Variants in SPEGNB observed in about 807,000 individuals in gnomAD.
The protein encoded by SPEGNB is SPEG neighbor protein.
SPEGNB carries 12 observed loss-of-function variants against 18.3 expected under a neutral mutation model. The ratio of observed to expected loss-of-function variants is 0.65; its 90% CI spans 0.42 to 1.06. The LOEUF is 1.06. Among genes scored for constraint, SPEGNB ranks in the 50% least tolerant of loss-of-function variants. SPEGNB has a pLI of 0.00. For missense variants in SPEGNB, 273 were observed against 329.3 expected (o/e 0.83, Z 1.32); for synonymous variants, 113 against 138.8 (o/e 0.81, Z 1.31).
Position 219,497,101 on chromosome 2 carries a change from C to CG in SPEGNB, c.422dup (p.Ile142HisfsTer17). The CG allele has an allele frequency of 8.3e-7, 1 of 1,210,782 alleles. No homozygotes were observed. The highest frequency in any genetic ancestry group is 1.1e-6 in the Non-Finnish European group (1 of 937,194). The allele number at this position is 1,210,782 out of a possible 1,614,324, so 75.0% of individuals were successfully genotyped here. A position where few individuals can be genotyped will look rare whatever the true frequency, so the allele number is the denominator to read the frequency against. On this transcript the variant is annotated frameshift_variant, in exon 3 of 5. Coordinates refer to ENST00000651166, the MANE Select transcript of SPEGNB (RefSeq NM_001286811.2). LOFTEE classifies it high-confidence loss of function. ...CTTCGGCCAGTGCTCCGACTCGGCG[C>CG]GCATCCTCGTGGAAGGTACGCGCGC...
Position 219,497,136 on chromosome 2 carries a change from A to G in SPEGNB, c.436+20A>G. On this transcript the variant is annotated intron_variant, in intron 3 of 4. Transcript: ENST00000651166. The stretch of plus-strand genomic sequence containing the variant: ...TGGAAGGTACGCGCGCCCCGGGCGC[A>G]GCGCCAGGGCGCAGACCAGCACCAC... 8.4e-7 allele frequency: 1 copy of G among 1,191,234 alleles called. No individual in the cohort carries two copies. The highest frequency in any genetic ancestry group is 1.1e-6 in the Non-Finnish European group (1 of 931,700). 73.8% of individuals were successfully genotyped at this position (1,191,234 alleles called of 1,614,324 possible). A position where few individuals can be genotyped will look rare whatever the true frequency, so the allele number is the denominator to read the frequency against.
chr2:219,496,417 G>T lies in SPEGNB; in HGVS notation c.63G>T (p.Leu21=). The T allele has an allele frequency of 7.7e-7, 1 of 1,293,246 alleles. No homozygotes were observed. Among genetic ancestry groups the T allele is most frequent in the Non-Finnish European group, 1.0e-6 (1 of 980,488 alleles). 80.1% of individuals were successfully genotyped at this position (1,293,246 alleles called of 1,614,324 possible). A position where few individuals can be genotyped will look rare whatever the true frequency, so the allele number is the denominator to read the frequency against. Residue 21 remains leucine, a synonymous_variant, in exon 2 of 5, where the codon CTG becomes CTT. Coordinates refer to ENST00000651166, the MANE Select transcript of SPEGNB (RefSeq NM_001286811.2). ...VAVAPAPGCT[L]DINDPQVQSA... Reference sequence around the variant, plus strand: ...TGGCCCCAGCTCCTGGATGTACCCTGGACATCAATGACCCACAGGTCCAGA... The same window carrying T: ...TGGCCCCAGCTCCTGGATGTACCCTTGACATCAATGACCCACAGGTCCAGA...
chr2:219,496,465 C>T lies in SPEGNB; in HGVS notation c.111C>T (p.Ala37=), dbSNP rs1214217686. 12 of 1,269,338 alleles carry T rather than the reference C, an allele frequency of 9.5e-6. No individual in the cohort carries two copies. The South Asian group carries it at 1.4e-4, about 15-fold the overall frequency. The allele number at this position is 1,269,338 out of a possible 1,614,324, so 78.6% of individuals were successfully genotyped here. ...QVQSAAIRIQ[A]SYRGHRSRKE... ...AGAGTGCGGCCATTCGTATCCAGGC[C>T]TCTTACCGGGGCCACAGGTGAGAGG... The change falls in exon 2 of 5, where the codon GCC becomes GCT. Residue 37 remains alanine (A), a synonymous_variant. Coordinates refer to ENST00000651166, the MANE Select transcript of SPEGNB (RefSeq NM_001286811.2).
chr2:219,497,674 A>C, intron 3 of SPEGNB, 46 bp from the exon 4 acceptor site: 1 of 1,292,264 alleles, frequency 7.7e-7, no homozygotes, highest in Middle Eastern at 2.1e-4. Context: ...GCCCTGCCTC[A>C]TCTCCGGGTC....
chr2:219,496,868 T>TA lies in SPEGNB; in HGVS notation c.188_189insA (p.Val64GlyfsTer26), dbSNP rs11437065. ...CGGGTGCTGGAGCCGCTGAAGGACG[T>TA]GGTGCTGATCGAAGGCAGCGCGGCC... On this transcript the variant is annotated frameshift_variant, in exon 3 of 5. Transcript: ENST00000651166. LOFTEE classifies it high-confidence loss of function. 91,785 of 1,285,792 alleles carry TA rather than the reference T, an allele frequency of 0.071. 3,591 individuals carry two copies. Among genetic ancestry groups the TA allele is most frequent in the Admixed American group, 0.087 (3,713 of 42,916 alleles). 79.6% of individuals were successfully genotyped at this position (1,285,792 alleles called of 1,614,324 possible). A position where few individuals can be genotyped will look rare whatever the true frequency, so the allele number is the denominator to read the frequency against.
chr2:219,496,610 A>C, intron 2 of SPEGNB, 128 bp downstream of exon 2: 4 of 1,055,210 alleles, frequency 3.8e-6, no homozygotes, highest in Non-Finnish European at 3.6e-6. Context: ...GAGGGTCGTT[A>C]CTGAGGTATG....
At position 219,496,839 on chromosome 2, in the gene SPEGNB, G is replaced by T; in HGVS notation, c.159G>T (p.Pro53=). The T allele has an allele frequency of 8.0e-7, 1 of 1,253,514 alleles. No homozygotes were observed. Among genetic ancestry groups the T allele is most frequent in the Non-Finnish European group, 1.0e-6 (1 of 956,904 alleles). The allele number at this position is 1,253,514 out of a possible 1,614,324, so 77.6% of individuals were successfully genotyped here. A position where few individuals can be genotyped will look rare whatever the true frequency, so the allele number is the denominator to read the frequency against. Residue 53 remains proline (P), a synonymous_variant, in exon 3 of 5, where the codon CCG becomes CCT. Coordinates refer to ENST00000651166, the MANE Select transcript of SPEGNB (RefSeq NM_001286811.2). The part of the protein sequence containing the change: ...RSRKELREKG[P]PRVLEPLKDV... ...GGAAGGAGCTGCGCGAGAAGGGGCC[G>T]CCGCGGGTGCTGGAGCCGCTGAAGG...
Position 219,497,003 on chromosome 2 carries a change from A to T in SPEGNB, c.323A>T (p.Asp108Val), listed in dbSNP as rs1310373778. 6.9e-6 allele frequency: 9 copies of T among 1,302,480 alleles called. No individual in the cohort carries two copies. Among genetic ancestry groups the T allele is most frequent in the Middle Eastern group, 4.2e-4 (2 of 4,708 alleles). The allele number at this position is 1,302,480 out of a possible 1,614,324, so 80.7% of individuals were successfully genotyped here. Reference protein sequence around the residue: ...PKYRYVFEDPDVVALVVRDGE... With the variant: ...PKYRYVFEDPVVVALVVRDGE... The stretch of plus-strand genomic sequence containing the variant: ...TACCGCTACGTCTTCGAGGACCCTG[A>T]CGTGGTGGCACTGGTGGTGCGCGAC... The change falls in exon 3 of 5, where the codon GAC (aspartate) becomes GTC (valine). Residue 108 changes from aspartate to valine, a missense_variant. Asp to Val is a radical substitution (Grantham distance 152). Transcript: ENST00000651166.
rs991881041 is a variant in SPEGNB at position 219,497,093 on chromosome 2, A to C, written c.413A>C (p.Asp138Ala). The C allele has an allele frequency of 9.1e-6, 11 of 1,210,186 alleles. No individual in the cohort carries two copies. Among genetic ancestry groups the C allele is most frequent in the Non-Finnish European group, 1.2e-5 (11 of 935,898 alleles). The allele number at this position is 1,210,186 out of a possible 1,614,324, so 75.0% of individuals were successfully genotyped here. A position where few individuals can be genotyped will look rare whatever the true frequency, so the allele number is the denominator to read the frequency against. Residue 138 changes from aspartate (D) to alanine (A), a missense_variant, in exon 3 of 5, where the codon GAC becomes GCC. Physicochemically the swap from Asp to Ala is moderately radical, Grantham distance 126 (BLOSUM62 -2). Coordinates refer to ENST00000651166, the MANE Select transcript of SPEGNB (RefSeq NM_001286811.2). ...NVTNPFGQCS[D>A]SARILVEVPT... ...ACCAACCCCTTCGGCCAGTGCTCCGACTCGGCGCGCATCCTCGTGGAAGGT... is the reference window on the plus strand; with the variant it reads ...ACCAACCCCTTCGGCCAGTGCTCCGCCTCGGCGCGCATCCTCGTGGAAGGT...
chr2:219,498,073 A>G lies in SPEGNB; in HGVS notation c.601A>G (p.Thr201Ala), dbSNP rs775848361. 4 of 1,303,390 alleles carry G rather than the reference A, an allele frequency of 3.1e-6. No homozygotes were observed. The highest frequency in any genetic ancestry group is 2.3e-5 in the Admixed American group (1 of 43,406). 80.7% of individuals were successfully genotyped at this position (1,303,390 alleles called of 1,614,324 possible). A position where few individuals can be genotyped will look rare whatever the true frequency, so the allele number is the denominator to read the frequency against. ...DDRVFFEIGSTTTTLTIRRAT... is the reference protein window; with the variant it reads ...DDRVFFEIGSATTTLTIRRAT... ...CAGGGTGTTCTTCGAGATCGGCAGC[A>G]CCACCACGACGCTGACCATTCGCCG... The change falls in exon 5 of 5, where the codon ACC becomes GCC. Residue 201 changes from threonine (T) to alanine (A), a missense_variant. Coordinates refer to ENST00000651166, the MANE Select transcript of SPEGNB (RefSeq NM_001286811.2).
intron 1 of SPEGNB, 49 bp downstream of exon 1, chr2:219,496,266 C>T (rs1307475178): frequency 1.8e-6 from 2 of 1,095,610 alleles, no homozygotes; most frequent in Non-Finnish European, 2.3e-6. Context: ...TCCTCCATCT[C>T]CCTGAATGTT....
chr2:219,498,277 C>T lies in SPEGNB; in HGVS notation c.*88C>T. On this transcript the variant is annotated 3_prime_UTR_variant, in exon 5 of 5. Transcript: ENST00000651166. ...CACCAGCTTGCTTAATAAAGCTGCT[C>T]TCTGACCCTCCGCGTCTGTCCTGCT... The T allele has an allele frequency of 3.4e-6, 4 of 1,181,740 alleles. No homozygotes were observed. The highest frequency in any genetic ancestry group is 2.6e-4 in the Middle Eastern group (1 of 3,868). The allele number at this position is 1,181,740 out of a possible 1,614,324, so 73.2% of individuals were successfully genotyped here. A position where few individuals can be genotyped will look rare whatever the true frequency, so the allele number is the denominator to read the frequency against.
chr2:219,497,718 A>G lies in SPEGNB; in HGVS notation c.437-2A>G. The G allele has an allele frequency of 2.3e-6, 3 of 1,303,472 alleles. No homozygotes were observed. Among genetic ancestry groups the G allele is most frequent in the Non-Finnish European group, 3.0e-6 (3 of 988,376 alleles). The allele number at this position is 1,303,472 out of a possible 1,614,324, so 80.7% of individuals were successfully genotyped here. ...GGTTTCGCTCCCCTTTCCTTCCGCT[A>G]GTCCCGACGAAGATTCAAAAGGGAC... is the stretch of plus-strand genomic sequence containing the variant. On this transcript the variant is annotated splice_acceptor_variant, in intron 3 of 4. Transcript: ENST00000651166. LOFTEE classifies it high-confidence loss of function.
chr2:219,496,460 C>T lies in SPEGNB; in HGVS notation c.106C>T (p.Gln36Ter), dbSNP rs1694226663. ...PQVQSAAIRI[Q>*]ASYRGHRSRK... ...GGTCCAGAGTGCGGCCATTCGTATC[C>T]AGGCCTCTTACCGGGGCCACAGGTG... The change falls in exon 2 of 5, where the codon CAG becomes TAG. Residue 36 changes from glutamine (Q) to a stop codon, truncating the protein, a stop_gained. Coordinates refer to ENST00000651166, the MANE Select transcript of SPEGNB (RefSeq NM_001286811.2). LOFTEE classifies it high-confidence loss of function. The T allele has an allele frequency of 7.9e-7, 1 of 1,272,788 alleles. No homozygotes were observed. 78.8% of individuals were successfully genotyped at this position (1,272,788 alleles called of 1,614,324 possible). A position where few individuals can be genotyped will look rare whatever the true frequency, so the allele number is the denominator to read the frequency against.
rs769531478 is a variant in SPEGNB, at chr2:219,497,064, C to T, written c.384C>T (p.Asn128=). The change falls in exon 3 of 5, where the codon AAC becomes AAT. Residue 128 remains asparagine (N), a synonymous_variant. Coordinates refer to ENST00000651166, the MANE Select transcript of SPEGNB (RefSeq NM_001286811.2). Reference sequence around the variant, plus strand: ...CAGACCTGGGCCAGTACAGCATCAACGTCACCAACCCCTTCGGCCAGTGCT... The same window carrying T: ...CAGACCTGGGCCAGTACAGCATCAATGTCACCAACCCCTTCGGCCAGTGCT... ...ELADLGQYSI[N]VTNPFGQCSD... 10 of 1,234,452 alleles carry T rather than the reference C, an allele frequency of 8.1e-6. No homozygotes were observed. Among genetic ancestry groups the T allele is most frequent in the Admixed American group, 5.0e-5 (2 of 39,692 alleles). The allele number at this position is 1,234,452 out of a possible 1,614,324, so 76.5% of individuals were successfully genotyped here.
intron 4 of SPEGNB, 45 bp from the exon 5 acceptor site, chr2:219,498,006 T>A: frequency 7.8e-7 from 1 of 1,287,756 alleles, no homozygotes; most frequent in South Asian, 1.3e-5. Context: ...AGTGCGCCCG[T>A]GTACTGACCA....
Position 219,497,731 on chromosome 2 carries a change from A to G in SPEGNB, c.448A>G (p.Ile150Val), listed in dbSNP as rs1314742448. Residue 150 changes from isoleucine to valine, a missense_variant, in exon 4 of 5, where the codon ATT (isoleucine) becomes GTT (valine). Coordinates refer to ENST00000651166, the MANE Select transcript of SPEGNB (RefSeq NM_001286811.2). Reference sequence around the variant, plus strand: ...TTTCCTTCCGCTAGTCCCGACGAAGATTCAAAAGGGACCCGACAACACTAA... The same window carrying G: ...TTTCCTTCCGCTAGTCCCGACGAAGGTTCAAAAGGGACCCGACAACACTAA... ...ARILVEVPTK[I>V]QKGPDNTKAR... is the part of the protein sequence containing the mutation. 3.8e-6 allele frequency: 5 copies of G among 1,304,050 alleles called. No individual in the cohort carries two copies. The highest frequency in any genetic ancestry group is 4.0e-6 in the Non-Finnish European group (4 of 988,796). 80.8% of individuals were successfully genotyped at this position (1,304,050 alleles called of 1,614,324 possible).
chr2:219,496,348 TC>T lies in SPEGNB; in HGVS notation c.1-3del, dbSNP rs5838740. 0.07 allele frequency: 86,513 copies of T among 1,231,200 alleles called. 3,371 individuals are homozygous for T. The highest frequency in any genetic ancestry group is 0.078 in the Non-Finnish European group (73,589 of 942,778). The allele number at this position is 1,231,200 out of a possible 1,614,324, so 76.3% of individuals were successfully genotyped here. A position where few individuals can be genotyped will look rare whatever the true frequency, so the allele number is the denominator to read the frequency against. ...CTGGACCCCCATATTTGTCGCCCACTCCCCAGATGTCTAAAGCAGCTCCTGC... is the reference window on the plus strand; with the variant it reads ...CTGGACCCCCATATTTGTCGCCCACTCCCAGATGTCTAAAGCAGCTCCTGC... On this transcript the variant is annotated splice_polypyrimidine_tract_variant and splice_region_variant and intron_variant, in intron 1 of 4. Coordinates refer to ENST00000651166, the MANE Select transcript of SPEGNB (RefSeq NM_001286811.2).
chr2:219,496,909 A>G lies in SPEGNB; in HGVS notation c.229A>G (p.Ile77Val). The change falls in exon 3 of 5, where the codon ATT becomes GTT. Residue 77 changes from isoleucine to valine, a missense_variant. Coordinates refer to ENST00000651166, the MANE Select transcript of SPEGNB (RefSeq NM_001286811.2). ...EGSAAKLTCR[I>V]SAFPDPFIRW... is the part of the protein sequence containing the mutation. ...CAGCGCGGCCAAGCTCACTTGCCGCATTTCGGCTTTCCCGGACCCATTCAT... is the reference window on the plus strand; with the variant it reads ...CAGCGCGGCCAAGCTCACTTGCCGCGTTTCGGCTTTCCCGGACCCATTCAT... 1 of 1,300,704 alleles carries G rather than the reference A, an allele frequency of 7.7e-7. No homozygotes were observed. The highest frequency in any genetic ancestry group is 1.2e-5 in the South Asian group (1 of 80,872). The allele number at this position is 1,300,704 out of a possible 1,614,324, so 80.6% of individuals were successfully genotyped here.
Sources: allele counts gnomAD v4.1 joint callset, GRCh38; gene constraint gnomAD v4.1.1; transcripts MANE v1.5; gene names NCBI Gene and HGNC (gene_info 2026-07-23, HGNC 2026-07-21).